The following DCAF17 variants were observed in gnomAD, a reference collection of about 807,000 sequenced individuals.
The protein encoded by DCAF17 is DDB1 and CUL4 associated factor 17.
In DCAF17, 48 loss-of-function variants were observed where a neutral mutation model predicts 66.0. The ratio of observed to expected loss-of-function variants is 0.73; its 90% CI spans 0.58 to 0.92. DCAF17 has a LOEUF of 0.92. DCAF17 is among the 40% of genes least tolerant of loss of function. The pLI is 0.00. For synonymous variants in DCAF17, 206 were observed against 214.6 expected (o/e 0.96, Z 0.35); for missense variants, 562 against 622.8 (o/e 0.90, Z 1.04).
chr2:171,458,155 CTT>C, intron 7 of DCAF17, 80 bp downstream of exon 7: 1 of 1,293,946 alleles, frequency 7.7e-7, no homozygotes, highest in South Asian at 1.2e-5. Flanking sequence ...TAGTGAGATG[CTT>C]TTAGAGTAAG....
At chr2:171,477,107 C>T (rs1490333486) in intron 11 of DCAF17, among the ~76,000 whole-genome samples, 157 bp downstream of exon 11, 1 of 152,136 alleles carries the variant, frequency 6.6e-6, no homozygotes, top group Non-Finnish European at 1.5e-5. Flanking sequence ...AGTTTTAGCC[C>T]CATGTACATT....
intron 8 of DCAF17, among the ~76,000 whole-genome samples, chr2:171,464,209 T>C (rs931198648): frequency 1.3e-5 from 2 of 152,202 alleles, no homozygotes; most frequent in African/African-American, 4.8e-5. Context: ...CATTAGAGAC[T>C]CTCAGTTTCC....
intron 10 of DCAF17, 144 bp from the exon 11 acceptor site, chr2:171,476,715 CT>C: frequency 1.6e-6 from 1 of 638,128 alleles, no homozygotes; most frequent in Non-Finnish European, 2.8e-6. Context: ...TTAGTGATCA[CT>C]TATTAGTATT....
chr2:171,440,401 C>A (rs114807440), intron 2 of DCAF17, among the ~76,000 whole-genome samples: 3 of 151,980 alleles, frequency 2.0e-5, no homozygotes, highest in Non-Finnish European at 4.4e-5. Flanking sequence ...ATGGCAAAAC[C>A]CCATCTCTAC....
chr2:171,472,872 G>T, intron 9 of DCAF17: 1 of 313,952 alleles, frequency 3.2e-6, no homozygotes, highest in Non-Finnish European at 6.5e-6. Context: ...TTACATTAGA[G>T]AAATTAAATT....
chr2:171,457,529 G>A (rs113619289), intron 6 of DCAF17, among the ~76,000 whole-genome samples: 3 of 152,252 alleles, frequency 2.0e-5, no homozygotes, highest in African/African-American at 7.2e-5. Flanking sequence ...CAGGGGCTGG[G>A]CACCTCTAAT....
intron 3 of DCAF17, among the ~76,000 whole-genome samples, chr2:171,446,091 T>TA (rs559634416): frequency 1.2e-4 from 18 of 150,088 alleles, no homozygotes; most frequent in Admixed American, 2.0e-4. Flanking sequence ...TTAATAAACT[T>TA]AAAAAAAAAA....
In DCAF17 at chr2:171,443,582, T is replaced by A. The variant is rs1180600949; in HGVS notation, c.290T>A (p.Ile97Lys). Reference sequence around the variant, plus strand: ...CCAAAATGTTCCAAATCAGAAAAAATAGAGGATGCTTTATTATGGGAATGC... The same window carrying A: ...CCAAAATGTTCCAAATCAGAAAAAAAAGAGGATGCTTTATTATGGGAATGC... Reference protein sequence around the residue: ...EMPKCSKSEKIEDALLWECPV... With the variant: ...EMPKCSKSEKKEDALLWECPV... The change falls in exon 3 of 14, where the codon ATA (isoleucine) becomes AAA (lysine). Residue 97 changes from isoleucine (I) to lysine (K), a missense_variant. Physicochemically the swap from Ile to Lys is moderately radical, Grantham distance 102. Coordinates refer to ENST00000375255, the MANE Select transcript of DCAF17 (RefSeq NM_025000.4). 3.1e-6 allele frequency: 5 copies of A among 1,612,920 alleles called. No homozygotes were observed. Among genetic ancestry groups the A allele is most frequent in the Non-Finnish European group, 4.2e-6 (5 of 1,179,428 alleles).
chr2:171,452,562 T>C (rs1414685319), intron 5 of DCAF17, among the ~76,000 whole-genome samples: 1 of 152,184 alleles, frequency 6.6e-6, no homozygotes, highest in African/African-American at 2.4e-5. Flanking sequence ...GAAGTGCTCC[T>C]CTCACGTCAC....
chr2:171,457,214 G>T (rs35412246), intron 6 of DCAF17, among the ~76,000 whole-genome samples: 6,268 of 152,260 alleles, frequency 0.041, 206 homozygotes, highest in South Asian at 0.088. Flanking sequence ...TTCTCTCTGT[G>T]CCTGTAGGTT....
intron 12 of DCAF17, among the ~76,000 whole-genome samples, chr2:171,479,379 A>G (rs951292952): frequency 1.3e-5 from 2 of 152,130 alleles, no homozygotes; most frequent in Non-Finnish European, 1.5e-5. Flanking sequence ...CTGGAGTCTC[A>G]GGTTTTCTTC....
At chr2:171,443,453 T>G in intron 2 of DCAF17, 70 bp from the exon 3 acceptor site, 2 of 1,307,180 alleles carry the variant, frequency 1.5e-6, no homozygotes, top group Non-Finnish European at 2.2e-6. Context: ...ATAAAAATAG[T>G]CTCTCAAACC....
At chr2:171,475,742 A>G (rs1363432333) in intron 10 of DCAF17, among the ~76,000 whole-genome samples, 2 of 152,216 alleles carry the variant, frequency 1.3e-5, no homozygotes, top group African/African-American at 4.8e-5. Flanking sequence ...CAGCCTGGGT[A>G]ATGGAGTAAG....
chr2:171,438,491 C>A (rs1694095030), intron 2 of DCAF17, among the ~76,000 whole-genome samples: 1 of 152,148 alleles, frequency 6.6e-6, no homozygotes, highest in Admixed American at 6.5e-5. Flanking sequence ...TTTCTCCTTG[C>A]ATTTCTATCC....
intron 3 of DCAF17, 43 bp downstream of exon 3, chr2:171,443,656 G>A (rs772220298): frequency 6.6e-7 from 1 of 1,519,456 alleles, no homozygotes; most frequent in African/African-American, 1.4e-5. Flanking sequence ...AGCATTTTTA[G>A]CCTAGAAGAA....
In DCAF17 at chr2:171,434,375, C is replaced by G. The variant is rs1174479805; in HGVS notation, c.-203C>G. 1.1e-6 allele frequency: 1 copy of G among 879,154 alleles called. No homozygotes were observed. The highest frequency in any genetic ancestry group is 1.8e-6 in the Non-Finnish European group (1 of 553,920). The allele number at this position is 879,154 out of a possible 1,614,324, so 54.5% of individuals were successfully genotyped here. On this transcript the variant is annotated 5_prime_UTR_variant, in exon 1 of 14. Transcript: ENST00000375255. ...AAGGGAGTGCTTCTTCCCTTCTCTC[C>G]GCGCTCTGGCGGTGCAAGCGGCTCT...
chr2:171,477,407 G>T (rs1440549697), intron 11 of DCAF17, among the ~76,000 whole-genome samples: 1 of 152,102 alleles, frequency 6.6e-6, no homozygotes, highest in Non-Finnish European at 1.5e-5. Context: ...ATATACTAAG[G>T]CAAAAGTCAG....
At chr2:171,443,926 A>C (rs751763677) in intron 3 of DCAF17, among the ~76,000 whole-genome samples, 25 of 152,186 alleles carry the variant, frequency 1.6e-4, no homozygotes, top group Admixed American at 2.6e-4. Flanking sequence ...TGTTTAAGAG[A>C]TCATTCCACT....
chr2:171,452,101 G>A lies in DCAF17; in HGVS notation c.538-1023G>A, dbSNP rs570607958. On this transcript the variant is annotated intron_variant, in intron 5 of 13. Coordinates refer to ENST00000375255, the MANE Select transcript of DCAF17 (RefSeq NM_025000.4). ...AGTTCAATAAAAATTTATCCCTTTG[G>A]AAGGGAGAATCTTTTGGGCTTTAAG... Among the ~76,000 whole-genome samples the A allele has an allele frequency of 7.2e-5, 11 of 152,206 alleles. No individual in the cohort carries two copies. In the South Asian group the frequency reaches 2.1e-3, roughly 29 times the overall value.
Sources: allele counts gnomAD v4.1 joint callset (sites outside exome capture counted in the v4.1 genomes callset), GRCh38; gene constraint gnomAD v4.1.1; transcripts MANE v1.5; gene names NCBI Gene and HGNC (gene_info 2026-07-23, HGNC 2026-07-21).